BBS9: variants seen among roughly 807,000 people sequenced by gnomAD.
The protein encoded by BBS9 is Bardet-Biedl syndrome 9.
A neutral mutation model predicts 117.7 loss-of-function variants in BBS9; 89 were observed. That is an observed-to-expected ratio of 0.76 (90% CI 0.64 to 0.90). BBS9 has a LOEUF of 0.90. BBS9 is among the 40% of genes least tolerant of loss of function. The pLI is 0.00. For missense variants in BBS9, 982 were observed against 1,042.2 expected (o/e 0.94, Z 0.80); for synonymous variants, 379 against 370.9 (o/e 1.02, Z -0.25).
chr7:33,610,365 T>C (rs1310544796), downstream of BBS9, among the ~76,000 whole-genome samples: 2 of 152,088 alleles, frequency 1.3e-5, no homozygotes, highest in Non-Finnish European at 2.9e-5. Flanking sequence ...TTTCTTAGCA[T>C]TCTGGAAGCT....
At chr7:33,305,527 C>A (rs940807453) in intron 9 of BBS9, among the ~76,000 whole-genome samples, 13 of 152,148 alleles carry the variant, frequency 8.5e-5, no homozygotes, top group African/African-American at 2.9e-4. Flanking sequence ...GCAGTAAAGT[C>A]ATCGTGTCCC....
intron 9 of BBS9, among the ~76,000 whole-genome samples, chr7:33,325,450 A>G (rs1190757228): frequency 6.6e-6 from 1 of 152,180 alleles, no homozygotes; most frequent in East Asian, 1.9e-4. Context: ...GAAAGGTCAC[A>G]TATCTCTGTC....
chr7:33,608,331 A>C (rs977116853), downstream of BBS9, among the ~76,000 whole-genome samples: 4 of 152,072 alleles, frequency 2.6e-5, no homozygotes, highest in African/African-American at 7.2e-5. Flanking sequence ...ACTATTGTGA[A>C]TAGTGCTGCA....
At chr7:33,349,467 C>T (rs1215813208) in intron 13 of BBS9, 2 of 400,842 alleles carry the variant, frequency 5.0e-6, no homozygotes, top group East Asian at 6.8e-5. Context: ...GGGTCTCATT[C>T]TCATTGGCCC....
chr7:33,221,715 CT>C (rs1271757173), intron 5 of BBS9, among the ~76,000 whole-genome samples: 1 of 152,068 alleles, frequency 6.6e-6, no homozygotes. Flanking sequence ...TGTTTGTAAA[CT>C]GTTTAAAAAA....
chr7:33,295,082 G>A (rs368323774), intron 9 of BBS9, among the ~76,000 whole-genome samples: 110 of 152,090 alleles, frequency 7.2e-4, no homozygotes, highest in African/African-American at 2.6e-3. Flanking sequence ...TTAAAATATG[G>A]TTCTAGACTA....
chr7:33,420,104 C>T (rs55744824), intron 19 of BBS9, among the ~76,000 whole-genome samples: 2 of 149,384 alleles, frequency 1.3e-5, no homozygotes, highest in Non-Finnish European at 3.0e-5. Context: ...GGACAAGAAC[C>T]AGGGTTTCTG....
intron 17 of BBS9, 90 bp downstream of exon 17, chr7:33,367,952 G>T (rs1167531350): frequency 9.8e-7 from 1 of 1,020,962 alleles, no homozygotes; most frequent in African/African-American, 1.6e-5. Flanking sequence ...TTCCTGCAAA[G>T]GGTGATGTTC....
At chr7:33,598,119 C>G (rs985304495) in intron 21 of BBS9, among the ~76,000 whole-genome samples, 1 of 151,862 alleles carries the variant, frequency 6.6e-6, no homozygotes, top group Non-Finnish European at 1.5e-5. Flanking sequence ...TCTTTGCCTT[C>G]TCTCCTTCAG....
chr7:33,146,392 G>C (rs749868640), intron 2 of BBS9, 28 bp downstream of exon 2: 3 of 1,559,568 alleles, frequency 1.9e-6, no homozygotes, highest in Non-Finnish European at 2.7e-6. Flanking sequence ...ATACATCTTG[G>C]ATGAAAGTTT....
intron 21 of BBS9, among the ~76,000 whole-genome samples, chr7:33,581,992 C>T (rs945646022): frequency 2.0e-5 from 3 of 151,894 alleles, no homozygotes; most frequent in Non-Finnish European, 2.9e-5. Context: ...GGTTAGTCAT[C>T]GGTGAGCTTC....
At chr7:33,326,563 C>A (rs1353963438) in intron 9 of BBS9, among the ~76,000 whole-genome samples, 1 of 152,040 alleles carries the variant, frequency 6.6e-6, no homozygotes, top group African/African-American at 2.4e-5. Context: ...GAGTCTCCCC[C>A]ATGGCCTTTG....
chr7:33,315,661 A>G (rs1810333815), intron 9 of BBS9, among the ~76,000 whole-genome samples: 1 of 152,214 alleles, frequency 6.6e-6, no homozygotes, highest in African/African-American at 2.4e-5. Flanking sequence ...GAACATTTGT[A>G]GCATAATATA....
At chr7:33,394,140 G>T (rs2128771506) in intron 19 of BBS9, among the ~76,000 whole-genome samples, 1 of 152,262 alleles carries the variant, frequency 6.6e-6, no homozygotes, top group East Asian at 1.9e-4. Context: ...TTCTTACAGG[G>T]GAAGGATTTG....
intron 5 of BBS9, among the ~76,000 whole-genome samples, chr7:33,241,817 A>C (rs2128284329): frequency 6.6e-6 from 1 of 152,180 alleles, no homozygotes; most frequent in South Asian, 2.1e-4. Flanking sequence ...AGGTCTCTTA[A>C]TCATTTTTAA....
intron 20 of BBS9, among the ~76,000 whole-genome samples, chr7:33,526,487 T>C (rs1023517947): frequency 6.6e-5 from 10 of 151,742 alleles, no homozygotes; most frequent in Non-Finnish European, 1.3e-4. Context: ...TCTCGCTTCA[T>C]TTCATTCATT....
At chr7:33,463,026 T>C (rs1385328781) in intron 19 of BBS9, among the ~76,000 whole-genome samples, 1 of 152,018 alleles carries the variant, frequency 6.6e-6, no homozygotes, top group East Asian at 1.9e-4. Flanking sequence ...GAAATAAGGG[T>C]GTGTGCTCAG....
At chr7:33,448,040 G>T (rs1021207812) in intron 19 of BBS9, among the ~76,000 whole-genome samples, 17 of 152,244 alleles carry the variant, frequency 1.1e-4, no homozygotes, top group Non-Finnish European at 2.1e-4. Flanking sequence ...CTCTTTTTCA[G>T]CTTAGAGTGG....
chr7:33,343,310 T>C (rs919562205), intron 11 of BBS9, among the ~76,000 whole-genome samples: 1 of 152,180 alleles, frequency 6.6e-6, no homozygotes, highest in African/African-American at 2.4e-5. Flanking sequence ...CCCCTACCAA[T>C]GTATCACTCT....
Sources: allele counts gnomAD v4.1 joint callset (sites outside exome capture counted in the v4.1 genomes callset), GRCh38; gene constraint gnomAD v4.1.1; transcripts MANE v1.5; gene names NCBI Gene and HGNC (gene_info 2026-07-23, HGNC 2026-07-21).